The following MADD variants were observed in gnomAD, a reference collection of about 807,000 sequenced individuals.
MADD encodes the protein MAP kinase activating death domain, also known as MAP kinase-activating death domain protein.
In MADD, 109 loss-of-function variants were observed where a neutral mutation model predicts 176.7. That is an observed-to-expected ratio of 0.62 (90% confidence interval 0.53 to 0.72). MADD has a LOEUF of 0.72. Among genes scored for constraint, MADD ranks in the 30% least tolerant of loss-of-function variants. The probability of loss-of-function intolerance (pLI) is 0.00; values close to 1 mark genes in which losing one functional copy is unlikely to be tolerated. For synonymous variants in MADD, 771 were observed against 771.3 expected, an observed-to-expected ratio of 1.00 and a Z score of 0.01; for missense variants, 1,914 against 2,045.5, an observed-to-expected ratio of 0.94 and a Z score of 1.24.
chr11:47,276,001 G>A (rs1591721028), exon 4 of MADD: 2 of 1,614,182 alleles, frequency 1.2e-6, no homozygotes, highest in Non-Finnish European at 1.7e-6. Context: ...TCTATCGATT[G>A]CTGCGCTCCC....
intron 26 of MADD, among the ~76,000 whole-genome samples, chr11:47,312,427 A>G (rs571296808): frequency 1.3e-5 from 2 of 151,482 alleles, no homozygotes; most frequent in African/African-American, 4.9e-5. Flanking sequence ...TTTTGTATAT[A>G]CATATATATT....
At chr11:47,298,714 G>A (rs192790156) in intron 22 of MADD, among the ~76,000 whole-genome samples, 14 of 152,160 alleles carry the variant, frequency 9.2e-5, no homozygotes, top group African/African-American at 1.4e-4. Context: ...TTTTGCTTTT[G>A]TTGCCTGTAC....
At chr11:47,276,020 G>A (rs2049510738) in exon 4 of MADD, 5 of 1,614,172 alleles carry the variant, frequency 3.1e-6, no homozygotes, top group Non-Finnish European at 4.2e-6. Context: ...CCCAGTACCC[G>A]TCTCTGGGCA....
chr11:47,324,595 C>T lies in MADD; in HGVS notation c.4542+18C>T, dbSNP rs774020205. 51 of 1,543,652 alleles carry T rather than the reference C, an allele frequency of 3.3e-5. No homozygotes were observed. Among genetic ancestry groups the T allele is most frequent in the Non-Finnish European group, 4.2e-5 (47 of 1,119,674 alleles). On this transcript the variant is annotated intron_variant, in intron 30 of 32. Transcript: ENST00000402192. ...ACAATCAGGTAGGTGCGAGCGGCAGCACGAGGCTCCCTGTCGTTCCATCTG... is the reference window on the plus strand; with the variant it reads ...ACAATCAGGTAGGTGCGAGCGGCAGTACGAGGCTCCCTGTCGTTCCATCTG...
intron 22 of MADD, among the ~76,000 whole-genome samples, chr11:47,306,359 A>G (rs529597764): frequency 1.3e-5 from 2 of 152,280 alleles, no homozygotes; most frequent in South Asian, 2.1e-4. Context: ...GCAAAACACA[A>G]TCCCACTGTA....
rs867093300 is a variant in MADD at position 47,278,891 on chromosome 11, C to A, written c.1210-108C>A. 6.1e-6 allele frequency: 5 copies of A among 821,004 alleles called. 1 individual carries two copies. Among genetic ancestry groups the A allele is most frequent in the South Asian group, 3.2e-5 (2 of 63,408 alleles). The allele number at this position is 821,004 out of a possible 1,614,324, so 50.9% of individuals were successfully genotyped here. On this transcript the variant is annotated intron_variant, in intron 6 of 32. Coordinates refer to ENST00000402192, the Ensembl canonical transcript of MADD. ...ACTGTGCAGTTATATAATGTATATT[C>A]GTTTATATAATAATAATGTATATAC... is the stretch of plus-strand genomic sequence containing the variant.
chr11:47,281,837 T>A, intron 8 of MADD, 84 bp downstream of exon 8: 1 of 754,230 alleles, frequency 1.3e-6, no homozygotes, highest in Non-Finnish European at 1.8e-6. Flanking sequence ...ACTATTTCTC[T>A]GAACCAGGGT....
intron 22 of MADD, among the ~76,000 whole-genome samples, chr11:47,307,307 C>CTT (rs1406686074): frequency 4.6e-4 from 70 of 152,242 alleles, no homozygotes; most frequent in African/African-American, 1.3e-3. Context: ...ATCGGTCTTG[C>CTT]AGGAAGCCAT....
In MADD at chr11:47,290,204, T is replaced by G. The variant is rs143440026; in HGVS notation, c.2999T>G (p.Leu1000Arg). The change falls in exon 18 of 33, where the codon CTC becomes CGC. Residue 1000 changes from leucine to arginine, a missense_variant. Physicochemically the swap from Leu to Arg is moderately radical, Grantham distance 102 (BLOSUM62 -2). Coordinates refer to ENST00000402192, the Ensembl canonical transcript of MADD. ...TTAGACCTCCTCAAGTGTACAGTCC[T>G]CAGCTTGGAGCAGTCCTATGCCCAC... The G allele has an allele frequency of 2.5e-6, 4 of 1,614,054 alleles. No individual in the cohort carries two copies. The African/African-American group carries it at 5.3e-5, about 22-fold the overall frequency.
intron 27 of MADD, among the ~76,000 whole-genome samples, chr11:47,318,036 C>T (rs183522452): frequency 6.6e-6 from 1 of 152,198 alleles, no homozygotes; most frequent in East Asian, 1.9e-4. Flanking sequence ...TCCCAAAGTG[C>T]TGGGATTACA....
At chr11:47,279,180 T>A in intron 7 of MADD, 101 bp downstream of exon 7, 1 of 1,140,280 alleles carries the variant, frequency 8.8e-7, no homozygotes, top group Non-Finnish European at 1.3e-6. Context: ...AAACTTCAAG[T>A]GGAGTAGTTT....
intron 22 of MADD, among the ~76,000 whole-genome samples, chr11:47,297,681 C>T (rs565190827): frequency 1.3e-5 from 2 of 150,794 alleles, no homozygotes; most frequent in Non-Finnish European, 2.9e-5. Context: ...CTCCTGACTT[C>T]GTGATCTGCT....
exon 33 of MADD, chr11:47,329,633 C>T (rs527822713): frequency 5.6e-4 from 88 of 156,202 alleles, no homozygotes; most frequent in African/African-American, 2.0e-3. Flanking sequence ...GGGGGGCAGC[C>T]GGAGTGAGTG....
chr11:47,290,571 C>T, intron 18 of MADD, 39 bp from the exon 20 acceptor site: 1 of 1,585,238 alleles, frequency 6.3e-7, no homozygotes, highest in Admixed American at 1.7e-5. Flanking sequence ...TTGATTCCTA[C>T]TCACTACTTC....
chr11:47,295,994 G>A (rs2071286583), exon 22 of MADD: 1 of 1,614,146 alleles, frequency 6.2e-7, no homozygotes, highest in Non-Finnish European at 8.5e-7. Flanking sequence ...CACCTGGCAA[G>A]CTCTCGGGGC....
intron 22 of MADD, among the ~76,000 whole-genome samples, chr11:47,302,338 C>T (rs1405024195): frequency 6.6e-6 from 1 of 152,110 alleles, no homozygotes; most frequent in Non-Finnish European, 1.5e-5. Flanking sequence ...CTCAGCCTCC[C>T]AAGTAGCTGG....
At chr11:47,293,148 TATCTC>T (rs1462672354) in intron 19 of MADD, among the ~76,000 whole-genome samples, 3 of 152,138 alleles carry the variant, frequency 2.0e-5, no homozygotes, top group Admixed American at 1.3e-4. Context: ...TGGTGTTTCT[TATCTC>T]ATCGGGCCCA....
chr11:47,275,399 C>G (rs888222348), intron 3 of MADD, among the ~76,000 whole-genome samples: 1 of 152,216 alleles, frequency 6.6e-6, no homozygotes, highest in Non-Finnish European at 1.5e-5. Flanking sequence ...TCAAGTGATC[C>G]TTCTGCCTCA....
intron 18 of MADD, 77 bp from the exon 20 acceptor site, chr11:47,290,533 C>T (rs1390772465): frequency 6.9e-7 from 1 of 1,448,338 alleles, no homozygotes; most frequent in African/African-American, 1.4e-5. Context: ...CTCCTGTATC[C>T]TGGCTCCTCC....
Sources: allele counts gnomAD v4.1 joint callset (sites outside exome capture counted in the v4.1 genomes callset), GRCh38; gene constraint gnomAD v4.1.1; transcripts MANE v1.5; gene names NCBI Gene and HGNC (gene_info 2026-07-23, HGNC 2026-07-21).